Variants in CNTN5 observed in about 807,000 individuals in gnomAD.
The protein encoded by CNTN5 is contactin 5, also known as contactin-5.
CNTN5 carries 77 observed loss-of-function variants against 129.1 expected under a neutral mutation model. The ratio of observed to expected loss-of-function variants is 0.60; its 90% CI spans 0.50 to 0.72. The LOEUF is 0.72. Among genes scored for constraint, CNTN5 ranks in the 30% least tolerant of loss-of-function variants. The pLI, the probability that CNTN5 is intolerant of heterozygous loss-of-function variation, is 0.00. For missense variants in CNTN5, 1,478 were observed against 1,328.8 expected, an observed-to-expected ratio of 1.11 and a Z score of -1.75; for synonymous variants, 509 against 465.6, an observed-to-expected ratio of 1.09 and a Z score of -1.20.
chr11:99,071,338 TG>T (rs1177978409), intron 1 of CNTN5, among the ~76,000 whole-genome samples: 1 of 152,116 alleles, frequency 6.6e-6, no homozygotes, highest in Non-Finnish European at 1.5e-5. Context: ...ATCCCAGTGC[TG>T]AGAGTGATGA....
intron 1 of CNTN5, among the ~76,000 whole-genome samples, chr11:99,251,541 C>A (rs993002357): frequency 3.1e-4 from 47 of 151,380 alleles, no homozygotes; most frequent in African/African-American, 1.1e-3. Flanking sequence ...ATGTAGATGG[C>A]AACATTTCAA....
At chr11:99,638,573 T>C (rs1951651099) in intron 3 of CNTN5, among the ~76,000 whole-genome samples, 1 of 152,158 alleles carries the variant, frequency 6.6e-6, no homozygotes, top group Admixed American at 6.5e-5. Flanking sequence ...AGTTACTTCC[T>C]AGATACAATG....
chr11:99,709,181 T>C (rs1470791373), intron 3 of CNTN5, among the ~76,000 whole-genome samples: 2 of 151,922 alleles, frequency 1.3e-5, no homozygotes, highest in East Asian at 1.9e-4. Flanking sequence ...AAATGTTCCC[T>C]GTGAATTCCT....
chr11:99,723,815 T>G (rs1943250949), intron 3 of CNTN5, among the ~76,000 whole-genome samples: 1 of 152,152 alleles, frequency 6.6e-6, no homozygotes, highest in South Asian at 2.1e-4. Flanking sequence ...GTTTAAATAA[T>G]GTTATGGGAT....
At chr11:99,727,846 C>T (rs540610190) in intron 3 of CNTN5, among the ~76,000 whole-genome samples, 2 of 152,106 alleles carry the variant, frequency 1.3e-5, no homozygotes, top group East Asian at 1.9e-4. Context: ...TTATCTAGTA[C>T]TAAGGGCTTC....
At chr11:100,255,348 T>C (rs1003949983) in intron 16 of CNTN5, among the ~76,000 whole-genome samples, 1 of 149,720 alleles carries the variant, frequency 6.7e-6, no homozygotes, top group Non-Finnish European at 1.5e-5. Context: ...CTCTAGCCAC[T>C]TGTAGTATTT....
chr11:99,941,535 G>A (rs187715776), intron 7 of CNTN5, among the ~76,000 whole-genome samples: 163 of 108,200 alleles, frequency 1.5e-3, no homozygotes, highest in African/African-American at 5.1e-3. Context: ...TTACTGCCAC[G>A]CAAGAGATAA....
At chr11:99,285,549 A>G (rs61893128) in intron 1 of CNTN5, among the ~76,000 whole-genome samples, 11,064 of 151,854 alleles carry the variant, frequency 0.073, 617 homozygotes, top group East Asian at 0.21. Flanking sequence ...AACAAGATTT[A>G]AATAAGCAGA....
intron 6 of CNTN5, among the ~76,000 whole-genome samples, chr11:99,887,547 A>G (rs61911639): frequency 0.019 from 2,933 of 152,308 alleles, 42 homozygotes; most frequent in Non-Finnish European, 0.03. Context: ...GACTCACACA[A>G]TCACAAGGTG....
intron 3 of CNTN5, among the ~76,000 whole-genome samples, chr11:99,725,806 A>G (rs959892276): frequency 2.0e-5 from 3 of 152,064 alleles, no homozygotes; most frequent in African/African-American, 7.2e-5. Flanking sequence ...TCCAGTGGTA[A>G]ATTTGTACCA....
intron 2 of CNTN5, among the ~76,000 whole-genome samples, chr11:99,467,002 GT>G (rs1385863269): frequency 6.6e-6 from 1 of 152,124 alleles, no homozygotes; most frequent in Non-Finnish European, 1.5e-5. Context: ...TGAATGCATA[GT>G]GTTATCTCTG....
At position 100,124,243 on chromosome 11, in the gene CNTN5, C is replaced by T. The variant is rs560927199; in HGVS notation, c.1580+49949C>T. Among the ~76,000 whole-genome samples the T allele has an allele frequency of 2.7e-4, 41 of 152,178 alleles. 1 individual carries two copies. The South Asian group carries it at 3.1e-3, about 12-fold the overall frequency. ...CAGAATATGAGCCCAGGCATTATGA[C>T]TCTACATCCCATTCTCTTGAAAACT... On this transcript the variant is annotated intron_variant, in intron 13 of 24. Transcript: ENST00000524871.
chr11:100,007,404 T>C (rs1014209409), intron 9 of CNTN5, among the ~76,000 whole-genome samples: 21 of 152,150 alleles, frequency 1.4e-4, no homozygotes, highest in African/African-American at 4.1e-4. Flanking sequence ...TTTGTCTACA[T>C]TGAAAATCTG....
chr11:100,299,141 A>G, intron 19 of CNTN5, 21 bp from the exon 20 acceptor site: 1 of 1,417,646 alleles, frequency 7.1e-7, no homozygotes. Context: ...GCTGATAATT[A>G]ATTATATTTT....
chr11:99,747,460 C>CTTTTT lies in CNTN5; in HGVS notation c.56-72065_56-72061dup, dbSNP rs55790126. On this transcript the variant is annotated intron_variant, in intron 3 of 24. Coordinates refer to ENST00000524871, the MANE Select transcript of CNTN5 (RefSeq NM_014361.4). ...ACTATATTGAATAGAAGTCAGCATC[C>CTTTTT]TTTTTTTTTTTTTTTTTTTTTTTGA... Among the ~76,000 whole-genome samples the CTTTTT allele has an allele frequency of 5.7e-4, 49 of 85,746 alleles. 1 individual carries two copies. Among genetic ancestry groups the CTTTTT allele is most frequent in the East Asian group, 1.5e-3 (4 of 2,672 alleles). 56.3% of individuals were successfully genotyped at this position (85,746 alleles called of 152,430 possible).
chr11:99,296,512 C>T (rs544942199), intron 1 of CNTN5, among the ~76,000 whole-genome samples: 1 of 152,296 alleles, frequency 6.6e-6, no homozygotes, highest in East Asian at 1.9e-4. Context: ...AGCTGTTATA[C>T]AACCAAAAAG....
At chr11:99,261,366 G>C (rs1198623626) in intron 1 of CNTN5, among the ~76,000 whole-genome samples, 2 of 151,962 alleles carry the variant, frequency 1.3e-5, no homozygotes, top group East Asian at 3.9e-4. Flanking sequence ...CTGTTTATTG[G>C]GTTTAATGTA....
At chr11:99,505,765 C>T (rs1946595780) in intron 2 of CNTN5, among the ~76,000 whole-genome samples, 1 of 152,118 alleles carries the variant, frequency 6.6e-6, no homozygotes, top group Non-Finnish European at 1.5e-5. Flanking sequence ...TGCATTTCTC[C>T]AGGTTAGTAA....
intron 1 of CNTN5, among the ~76,000 whole-genome samples, chr11:99,173,327 C>T (rs1857619702): frequency 1.3e-5 from 2 of 152,154 alleles, no homozygotes; most frequent in African/African-American, 2.4e-5. Context: ...CAGGTTGAGG[C>T]TGTCACCCAC....
Sources: allele counts gnomAD v4.1 joint callset (sites outside exome capture counted in the v4.1 genomes callset), GRCh38; gene constraint gnomAD v4.1.1; transcripts MANE v1.5; gene names NCBI Gene and HGNC (gene_info 2026-07-23, HGNC 2026-07-21).